Variants in RNF180 observed in about 807,000 individuals in gnomAD.
RNF180 encodes the protein ring finger protein 180, also known as E3 ubiquitin-protein ligase RNF180.
A neutral mutation model predicts 59.2 loss-of-function variants in RNF180; 38 were observed. That is an observed-to-expected ratio of 0.64 (90% CI 0.50 to 0.84). The LOEUF (loss-of-function observed/expected upper bound fraction) is 0.84, where lower values mean the gene tolerates loss of function less well. Ranked by LOEUF, RNF180 falls within the 40% of genes least tolerant of loss-of-function variation. The pLI, the probability that RNF180 is intolerant of heterozygous loss-of-function variation, is 0.00. For missense variants in RNF180, 705 were observed against 700.9 expected, an observed-to-expected ratio of 1.01 and a Z score of -0.07; for synonymous variants, 262 against 240.3, an observed-to-expected ratio of 1.09 and a Z score of -0.84.
chr5:64,239,446 G>A (rs1272448172), intron 5 of RNF180, among the ~76,000 whole-genome samples: 1 of 152,158 alleles, frequency 6.6e-6, no homozygotes, highest in Non-Finnish European at 1.5e-5. Flanking sequence ...CTGTCTGCTA[G>A]TAGATAATGC....
intron 6 of RNF180, among the ~76,000 whole-genome samples, chr5:64,329,495 T>C (rs1306181423): frequency 6.6e-6 from 1 of 150,956 alleles, no homozygotes; most frequent in South Asian, 2.1e-4. Context: ...TCTCACTTCT[T>C]CGCCCAGGCT....
chr5:64,274,015 G>A (rs1741578904), intron 5 of RNF180, among the ~76,000 whole-genome samples: 1 of 151,984 alleles, frequency 6.6e-6, no homozygotes, highest in South Asian at 2.1e-4. Context: ...ATTGCACAGA[G>A]CATTATGTGA....
At chr5:64,179,980 T>G (rs1454914040) in intron 1 of RNF180, among the ~76,000 whole-genome samples, 10 of 152,178 alleles carry the variant, frequency 6.6e-5, no homozygotes, top group Admixed American at 5.2e-4. Flanking sequence ...TTTCCTGATT[T>G]CTGGTGAGGT....
At chr5:64,309,497 T>C (rs1307924374) in intron 5 of RNF180, among the ~76,000 whole-genome samples, 1 of 151,734 alleles carries the variant, frequency 6.6e-6, no homozygotes, top group East Asian at 1.9e-4. Flanking sequence ...TCAGACTGTT[T>C]TAGCCTCCAT....
In RNF180 at chr5:64,175,429, TGTAA is replaced by T. The variant is rs889264056; in HGVS notation, c.-1+9479_-1+9482del. Among the ~76,000 whole-genome samples the T allele has an allele frequency of 2.6e-4, 39 of 152,312 alleles. 1 individual carries two copies. Among genetic ancestry groups the T allele is most frequent in the African/African-American group, 7.5e-4 (31 of 41,560 alleles). ...ATACCTTTATCAAAAATCAGTTGGT[TGTAA>T]GTGTGTGGATTTATTTCTATATTCT... On this transcript the variant is annotated intron_variant, in intron 1 of 7. Transcript: ENST00000389100.
intron 1 of RNF180, among the ~76,000 whole-genome samples, chr5:64,196,503 G>T (rs1346964027): frequency 1.3e-5 from 2 of 151,966 alleles, no homozygotes; most frequent in Non-Finnish European, 2.9e-5. Context: ...CTTTTAAGAT[G>T]AGCATGTTTT....
chr5:64,212,114 T>G lies in RNF180; in HGVS notation c.185T>G (p.Met62Arg). The G allele has an allele frequency of 6.2e-7, 1 of 1,608,672 alleles. No individual in the cohort carries two copies. Among genetic ancestry groups the G allele is most frequent in the Non-Finnish European group, 8.5e-7 (1 of 1,175,216 alleles). ...DAQNICHVWHMNVEALPEWIS... is the reference protein window; with the variant it reads ...DAQNICHVWHRNVEALPEWIS... Reference sequence around the variant, plus strand: ...CAAAATATTTGTCATGTGTGGCACATGAATGTAGAAGCCCTTCCAGAATGG... The same window carrying G: ...CAAAATATTTGTCATGTGTGGCACAGGAATGTAGAAGCCCTTCCAGAATGG... The change falls in exon 3 of 8, where the codon ATG becomes AGG. Residue 62 changes from methionine (M) to arginine (R), a missense_variant. Physicochemically the swap from Met to Arg is moderately conservative, Grantham distance 91. Transcript: ENST00000389100.
intron 5 of RNF180, among the ~76,000 whole-genome samples, chr5:64,312,840 C>G (rs549862466): frequency 2.0e-5 from 3 of 152,156 alleles, no homozygotes; most frequent in Non-Finnish European, 4.4e-5. Flanking sequence ...TCAGTGAAAC[C>G]TTACATCTGG....
At chr5:64,247,466 A>G (rs532147233) in intron 5 of RNF180, among the ~76,000 whole-genome samples, 11 of 152,296 alleles carry the variant, frequency 7.2e-5, no homozygotes, top group African/African-American at 2.2e-4. Flanking sequence ...CTATACACCA[A>G]TAATAGAAAA....
intron 5 of RNF180, among the ~76,000 whole-genome samples, chr5:64,254,751 T>C (rs1221283043): frequency 1.3e-5 from 2 of 152,164 alleles, no homozygotes; most frequent in African/African-American, 4.8e-5. Context: ...CATAAAATAA[T>C]ATGCCTAAGG....
At chr5:64,274,963 T>A (rs1333629146) in intron 5 of RNF180, among the ~76,000 whole-genome samples, 1 of 152,036 alleles carries the variant, frequency 6.6e-6, no homozygotes, top group Non-Finnish European at 1.5e-5. Context: ...TTCTAGTTGT[T>A]TCTTAAAATA....
intron 5 of RNF180, among the ~76,000 whole-genome samples, chr5:64,319,313 T>A (rs1744223237): frequency 6.6e-6 from 1 of 152,142 alleles, no homozygotes; most frequent in South Asian, 2.1e-4. Context: ...TTATTTCATT[T>A]AAAAAAATAA....
chr5:64,263,561 G>T (rs1744478089), intron 5 of RNF180, among the ~76,000 whole-genome samples: 1 of 152,090 alleles, frequency 6.6e-6, no homozygotes, highest in Admixed American at 6.6e-5. Flanking sequence ...GCAATTGACG[G>T]AATGGCTTCA....
At chr5:64,350,112 C>T (rs1745735805) in intron 7 of RNF180, among the ~76,000 whole-genome samples, 1 of 152,124 alleles carries the variant, frequency 6.6e-6, no homozygotes, top group Non-Finnish European at 1.5e-5. Flanking sequence ...ACCATTCTAA[C>T]AGGTGTGAGA....
chr5:64,367,469 A>T (rs912869501), intron 7 of RNF180, among the ~76,000 whole-genome samples: 1 of 151,746 alleles, frequency 6.6e-6, no homozygotes, highest in African/African-American at 2.4e-5. Context: ...GAAATTATTT[A>T]AAAACCTATT....
chr5:64,338,461 C>T (rs1162105999), intron 7 of RNF180, among the ~76,000 whole-genome samples: 3 of 151,870 alleles, frequency 2.0e-5, no homozygotes, highest in Non-Finnish European at 4.4e-5. Context: ...GGTGAAACCC[C>T]GTCTCTACTA....
chr5:64,365,671 G>A (rs887719457), intron 7 of RNF180, among the ~76,000 whole-genome samples: 5 of 151,560 alleles, frequency 3.3e-5, no homozygotes, highest in African/African-American at 9.7e-5. Context: ...CTCTTGTGTT[G>A]GGTGCATATA....
At chr5:64,182,939 A>G (rs1451617335) in intron 1 of RNF180, among the ~76,000 whole-genome samples, 1 of 152,182 alleles carries the variant, frequency 6.6e-6, no homozygotes, top group African/African-American at 2.4e-5. Context: ...CTGAATATAG[A>G]TCTTGACATT....
intron 5 of RNF180, among the ~76,000 whole-genome samples, chr5:64,260,453 A>G (rs1177046289): frequency 6.6e-6 from 1 of 152,212 alleles, no homozygotes; most frequent in South Asian, 2.1e-4. Flanking sequence ...TAATTTCTTC[A>G]ATATTGGGTT....
Sources: gnomAD v4.1 joint callset for allele counts (sites outside exome capture counted in the v4.1 genomes callset) on GRCh38, gnomAD v4.1.1 for gene constraint, MANE v1.5 for transcripts, NCBI Gene and HGNC (gene_info 2026-07-23, HGNC 2026-07-21) for gene names.